The following ADCY2 variants were observed in gnomAD, a reference collection of about 807,000 sequenced individuals.
ADCY2 encodes the protein adenylate cyclase 2.
Under a neutral mutation model 125.2 loss-of-function variants are expected in ADCY2, and 31 were observed. The ratio of observed to expected loss-of-function variants is 0.25; its 90% confidence interval spans 0.19 to 0.33. The LOEUF is 0.33. ADCY2 is among the 10% of genes least tolerant of loss of function. ADCY2 has a pLI of 1.00. For missense variants in ADCY2, 904 were observed against 1,418.2 expected, an observed-to-expected ratio of 0.64 and a Z score of 5.82; for synonymous variants, 512 against 548.4, an observed-to-expected ratio of 0.93 and a Z score of 0.93.
chr5:7,438,218 C>T (rs1410272433), intron 2 of ADCY2, among the ~76,000 whole-genome samples: 2 of 152,196 alleles, frequency 1.3e-5, no homozygotes, highest in African/African-American at 4.8e-5. Flanking sequence ...ACTGACTCCC[C>T]TTCTCCTTGT....
chr5:7,504,821 CTTATTA>C (rs576438652), intron 2 of ADCY2, among the ~76,000 whole-genome samples: 2 of 149,926 alleles, frequency 1.3e-5, no homozygotes, highest in African/African-American at 4.9e-5. Context: ...AAATTGCAGC[CTTATTA>C]TTATTATTAT....
At chr5:7,652,463 A>T (rs751778463) in intron 4 of ADCY2, among the ~76,000 whole-genome samples, 7 of 152,230 alleles carry the variant, frequency 4.6e-5, no homozygotes, top group Non-Finnish European at 8.8e-5. Flanking sequence ...TATAGTTAAC[A>T]TTATAACAAC....
rs57381383 is a variant in ADCY2 at position 7,512,218 on chromosome 5, C to CAAAAAAAAAAAAAAAAAAAAAAA, written c.409-8498_409-8497insAAAAAAAAAAAAAAAAAAAAAAA. ...CCTGGGCAGTAGAGCATGACTCCAT[C>CAAAAAAAAAAAAAAAAAAAAAAA]AAAAAAAAAAAAAAAAAAAAAAGAA... On this transcript the variant is annotated intron_variant, in intron 2 of 24. Transcript: ENST00000338316. 6.6e-4 allele frequency among the ~76,000 whole-genome samples: 38 copies of CAAAAAAAAAAAAAAAAAAAAAAA among 57,856 alleles called. 4 individuals are homozygous for CAAAAAAAAAAAAAAAAAAAAAAA. The highest frequency in any genetic ancestry group is 2.0e-3 in the Admixed American group (7 of 3,488). The allele number at this position is 57,856 out of a possible 152,430, so 38.0% of individuals were successfully genotyped here. A position where few individuals can be genotyped will look rare whatever the true frequency, so the allele number is the denominator to read the frequency against.
chr5:7,511,496 A>G (rs1744056925), intron 2 of ADCY2, among the ~76,000 whole-genome samples: 1 of 152,058 alleles, frequency 6.6e-6, no homozygotes, highest in Non-Finnish European at 1.5e-5. Flanking sequence ...AATTGTTTGA[A>G]CCTGGGAGGC....
intron 12 of ADCY2, among the ~76,000 whole-genome samples, chr5:7,722,623 A>G (rs1176709981): frequency 1.3e-5 from 2 of 151,804 alleles, no homozygotes; most frequent in African/African-American, 4.8e-5. Flanking sequence ...TTGTTTCCCT[A>G]CAGCTTATAC....
intron 16 of ADCY2, among the ~76,000 whole-genome samples, chr5:7,761,116 T>A (rs1579403109): frequency 6.6e-6 from 1 of 151,542 alleles, no homozygotes; most frequent in African/African-American, 2.4e-5. Context: ...ATTGTGTATG[T>A]GTGTGTATCA....
chr5:7,433,302 G>C (rs1740673865), intron 2 of ADCY2, among the ~76,000 whole-genome samples: 1 of 151,966 alleles, frequency 6.6e-6, no homozygotes, highest in Non-Finnish European at 1.5e-5. Context: ...ACGATTCCTT[G>C]GGCAAACACA....
chr5:7,530,812 G>C (rs371088811), intron 3 of ADCY2, among the ~76,000 whole-genome samples: 1 of 151,958 alleles, frequency 6.6e-6, no homozygotes, highest in East Asian at 1.9e-4. Context: ...TGCCATGCTC[G>C]TTCTCATCTC....
intron 3 of ADCY2, among the ~76,000 whole-genome samples, chr5:7,610,822 T>G (rs1235920482): frequency 6.6e-6 from 1 of 152,144 alleles, no homozygotes; most frequent in East Asian, 1.9e-4. Flanking sequence ...TGAAGTGGAG[T>G]TAAAAAGTGC....
chr5:7,482,767 GATATATATATAT>G (rs140354609), intron 2 of ADCY2, among the ~76,000 whole-genome samples: 2 of 119,476 alleles, frequency 1.7e-5, no homozygotes, highest in African/African-American at 3.2e-5. Flanking sequence ...AAGAAAATGT[GATATATATATAT>G]ATATATATAT....
At position 7,437,611 on chromosome 5, in the gene ADCY2, G is replaced by A. The variant is rs911406483; in HGVS notation, c.408+22841G>A. Reference sequence around the variant, plus strand: ...TAGTTCTTAGCACAGTGCCGGGCACGGCGTGATAGGTACTCGGGAAATTTT... The same window carrying A: ...TAGTTCTTAGCACAGTGCCGGGCACAGCGTGATAGGTACTCGGGAAATTTT... On this transcript the variant is annotated intron_variant, in intron 2 of 24. Transcript: ENST00000338316. Among the ~76,000 whole-genome samples, 6 of 152,234 alleles carry A rather than the reference G, an allele frequency of 3.9e-5. No homozygotes were observed. In the South Asian group the frequency reaches 6.2e-4, roughly 16 times the overall value.
chr5:7,559,444 A>C lies in ADCY2; in HGVS notation c.570+38545A>C, dbSNP rs187608841. Among the ~76,000 whole-genome samples the C allele has an allele frequency of 4.0e-3, 613 of 152,198 alleles. 3 individuals are homozygous for C. Among genetic ancestry groups the C allele is most frequent in the African/African-American group, 0.014 (590 of 41,536 alleles). ...TTTATACTTTTTGTGGCAATTGTGA[A>C]TGGGAGTTTGTTTGTGATTTGGCTC... On this transcript the variant is annotated intron_variant, in intron 3 of 24. Coordinates refer to ENST00000338316, the MANE Select transcript of ADCY2 (RefSeq NM_020546.3).
rs1288406377 is a variant in ADCY2 at position 7,586,288 on chromosome 5, T to A, written c.571-39879T>A. On this transcript the variant is annotated intron_variant, in intron 3 of 24. Coordinates refer to ENST00000338316, the MANE Select transcript of ADCY2 (RefSeq NM_020546.3). Reference sequence around the variant, plus strand: ...GCAAGCTGATCATTGCATTTAAAGTTTGAGAAAAAAATTATACTAAATTAT... The same window carrying A: ...GCAAGCTGATCATTGCATTTAAAGTATGAGAAAAAAATTATACTAAATTAT... 2.6e-5 allele frequency among the ~76,000 whole-genome samples: 4 copies of A among 152,150 alleles called. No homozygotes were observed. In the South Asian group the frequency reaches 6.2e-4, roughly 24 times the overall value.
intron 2 of ADCY2, among the ~76,000 whole-genome samples, chr5:7,491,307 A>G (rs936277671): frequency 4.0e-5 from 6 of 151,826 alleles, no homozygotes; most frequent in Non-Finnish European, 7.4e-5. Context: ...GCTGGAGTGC[A>G]ATGGCACCAT....
intron 17 of ADCY2, among the ~76,000 whole-genome samples, chr5:7,767,260 C>T (rs112423694): frequency 0.018 from 2,810 of 152,242 alleles, 92 homozygotes; most frequent in African/African-American, 0.064. Flanking sequence ...ATTCTGTTCC[C>T]TAGTAATTCT....
chr5:7,502,398 A>G (rs1401282944), intron 2 of ADCY2, among the ~76,000 whole-genome samples: 1 of 151,968 alleles, frequency 6.6e-6, no homozygotes, highest in Non-Finnish European at 1.5e-5. Flanking sequence ...GAGAGTGGAG[A>G]AGGCATCCAT....
chr5:7,477,861 G>A (rs1742579743), intron 2 of ADCY2, among the ~76,000 whole-genome samples: 2 of 152,140 alleles, frequency 1.3e-5, no homozygotes. Flanking sequence ...AATAAAGCAA[G>A]AAAAATATTT....
intron 4 of ADCY2, among the ~76,000 whole-genome samples, chr5:7,676,861 A>G (rs908187444): frequency 6.6e-6 from 1 of 152,228 alleles, no homozygotes; most frequent in African/African-American, 2.4e-5. Flanking sequence ...CACAAGGTGA[A>G]TTCACAGAAA....
At chr5:7,692,997 ACTC>A (rs1406156511) in intron 5 of ADCY2, among the ~76,000 whole-genome samples, 6 of 152,006 alleles carry the variant, frequency 3.9e-5, no homozygotes, top group Non-Finnish European at 8.8e-5. Flanking sequence ...AAGTTGGACT[ACTC>A]CTCTTCCTCT....
Sources: allele counts gnomAD v4.1 joint callset (sites outside exome capture counted in the v4.1 genomes callset), GRCh38; gene constraint gnomAD v4.1.1; transcripts MANE v1.5; gene names NCBI Gene and HGNC (gene_info 2026-07-23, HGNC 2026-07-21).